Variants in MED27 observed in about 807,000 individuals in gnomAD.
The protein encoded by MED27 is mediator complex subunit 27.
Under a neutral mutation model 38.2 loss-of-function variants are expected in MED27, and 30 were observed. That is an observed-to-expected ratio of 0.79 (90% CI 0.59 to 1.07). MED27 has a LOEUF of 1.07. MED27 is among the 50% of genes least tolerant of loss of function. The probability of loss-of-function intolerance (pLI) is 0.00; values close to 1 mark genes in which losing one functional copy is unlikely to be tolerated. For missense variants in MED27, 289 were observed against 397.5 expected (o/e 0.73, Z 2.32); for synonymous variants, 122 against 153.5 (o/e 0.79, Z 1.52).
At chr9:131,909,719 G>C (rs1039764172) in intron 4 of MED27, among the ~76,000 whole-genome samples, 1 of 152,228 alleles carries the variant, frequency 6.6e-6, no homozygotes, top group Non-Finnish European at 1.5e-5. Context: ...TCTGTGAGCT[G>C]AAAGTGGAAC....
At chr9:132,001,132 G>A (rs1454881707) in intron 3 of MED27, among the ~76,000 whole-genome samples, 1 of 152,040 alleles carries the variant, frequency 6.6e-6, no homozygotes, top group Admixed American at 6.6e-5. Flanking sequence ...AGTATATGCT[G>A]TATAGTTCCT....
chr9:132,030,119 G>A (rs1467810178), intron 2 of MED27, among the ~76,000 whole-genome samples: 3 of 152,242 alleles, frequency 2.0e-5, no homozygotes, highest in Middle Eastern at 3.2e-3. Flanking sequence ...TCTGTTGGAG[G>A]TGGCACAAGC....
chr9:132,039,873 C>T (rs1442488993), intron 2 of MED27, among the ~76,000 whole-genome samples: 1 of 152,174 alleles, frequency 6.6e-6, no homozygotes, highest in African/African-American at 2.4e-5. Context: ...GACTGCAGGT[C>T]CCTCCCTTAT....
chr9:131,884,790 T>C (rs112060531), intron 5 of MED27, among the ~76,000 whole-genome samples: 1,712 of 152,066 alleles, frequency 0.011, 31 homozygotes, highest in African/African-American at 0.039. Context: ...GTATTTTTAG[T>C]AGAGATAGGG....
At chr9:131,923,907 T>C (rs1830438509) in intron 4 of MED27, among the ~76,000 whole-genome samples, 1 of 152,270 alleles carries the variant, frequency 6.6e-6, no homozygotes, top group African/African-American at 2.4e-5. Flanking sequence ...ATTAACAATA[T>C]ATCCTGGCAA....
intron 2 of MED27, among the ~76,000 whole-genome samples, chr9:132,018,341 A>C (rs1832647714): frequency 6.6e-6 from 1 of 152,234 alleles, no homozygotes; most frequent in South Asian, 2.1e-4. Context: ...AATTACAAAT[A>C]ACAACAAATA....
intron 4 of MED27, among the ~76,000 whole-genome samples, chr9:131,934,712 A>G (rs1327399658): frequency 1.3e-5 from 2 of 152,216 alleles, no homozygotes; most frequent in Non-Finnish European, 2.9e-5. Flanking sequence ...ACTGCTGCAT[A>G]TATACCCAAA....
At position 131,872,955 on chromosome 9, in the gene MED27, G is replaced by A. The variant is rs1838862867; in HGVS notation, c.724-9815C>T. ...CTCTGTGCCGCTCAGCCAGACTTTGGAGCACTCAAGTAGCAGGCAGCAAAG... is the reference window on the plus strand; with the variant it reads ...CTCTGTGCCGCTCAGCCAGACTTTGAAGCACTCAAGTAGCAGGCAGCAAAG... On this transcript the variant is annotated intron_variant, in intron 6 of 7. Transcript: ENST00000292035. This position sits in a 1 kb window ranked among gnomAD's most constrained non-coding sequence, Gnocchi z 5.6. 1.3e-5 allele frequency among the ~76,000 whole-genome samples: 2 copies of A among 152,256 alleles called. No individual in the cohort carries two copies. The highest frequency in any genetic ancestry group is 4.1e-4 in the South Asian group (2 of 4,834).
intron 3 of MED27, among the ~76,000 whole-genome samples, chr9:131,966,383 C>CCAAAAAAAAAAAA (rs1831347921): frequency 2.7e-5 from 1 of 36,776 alleles, no homozygotes; most frequent in Non-Finnish European, 4.2e-5. Flanking sequence ...GACCCTGTCA[C>CCAAAAAAAAAAAA]AAAAAAAAAA....
chr9:131,878,916 A>G (rs1201730187), intron 6 of MED27, among the ~76,000 whole-genome samples: 4 of 152,052 alleles, frequency 2.6e-5, no homozygotes, highest in Admixed American at 6.5e-5. Context: ...CCTAGGACCA[A>G]GTGCAAGGAG....
chr9:132,068,550 G>A (rs1456507944), intron 2 of MED27, among the ~76,000 whole-genome samples: 3 of 152,162 alleles, frequency 2.0e-5, no homozygotes, highest in African/African-American at 7.2e-5. Context: ...GGCAGTACCA[G>A]TCAAGATGGA....
intron 4 of MED27, among the ~76,000 whole-genome samples, chr9:131,904,385 C>T (rs1482886603): frequency 2.0e-5 from 3 of 151,548 alleles, no homozygotes; most frequent in Non-Finnish European, 4.4e-5. Flanking sequence ...CCTAATAAGA[C>T]GTGTTTTATT....
intron 3 of MED27, among the ~76,000 whole-genome samples, chr9:132,006,728 G>A (rs188944924): frequency 6.6e-6 from 1 of 152,158 alleles, no homozygotes; most frequent in East Asian, 1.9e-4. Flanking sequence ...AGGAAGCTAC[G>A]AGAAGAGACT....
At position 131,893,965 on chromosome 9, in the gene MED27, T is replaced by A. The variant is rs777149018; in HGVS notation, c.601A>T (p.Ile201Phe). The change falls in exon 5 of 8, where the codon ATC becomes TTC. Residue 201 changes from isoleucine to phenylalanine, a missense_variant. By Grantham distance (21) the Ile-to-Phe change is conservative. Coordinates refer to ENST00000292035, the MANE Select transcript of MED27 (RefSeq NM_004269.4). Reference protein sequence around the residue: ...LVTLGKVLKVIVVMRSLFIDR... With the variant: ...LVTLGKVLKVFVVMRSLFIDR... ...ATGAACAGGCTCCGCATGACGACGA[T>A]CACTTTCAACACCTTTCCCAAGGTC... The A allele has an allele frequency of 6.2e-7, 1 of 1,614,170 alleles. No homozygotes were observed. The highest frequency in any genetic ancestry group is 1.6e-4 in the Middle Eastern group (1 of 6,062).
At chr9:132,050,922 T>C (rs947558083) in intron 2 of MED27, among the ~76,000 whole-genome samples, 2 of 152,246 alleles carry the variant, frequency 1.3e-5, no homozygotes, top group South Asian at 2.1e-4. Flanking sequence ...TCTCGGCATA[T>C]GAATGGCACT....
chr9:131,974,063 A>G (rs1318489274), intron 3 of MED27, among the ~76,000 whole-genome samples: 1 of 152,158 alleles, frequency 6.6e-6, no homozygotes. Context: ...CTCTGAAATC[A>G]GATGTGTTTT....
At chr9:131,921,683 C>A (rs1830394632) in intron 4 of MED27, among the ~76,000 whole-genome samples, 1 of 152,054 alleles carries the variant, frequency 6.6e-6, no homozygotes, top group Non-Finnish European at 1.5e-5. Context: ...GGGCATATAC[C>A]CAAAGGATTA....
intron 3 of MED27, among the ~76,000 whole-genome samples, chr9:131,954,195 T>C (rs1188874403): frequency 6.6e-6 from 1 of 152,170 alleles, no homozygotes; most frequent in Admixed American, 6.5e-5. Flanking sequence ...CCAGGGTGTT[T>C]AGGTAAGCAG....
intron 3 of MED27, among the ~76,000 whole-genome samples, chr9:131,958,178 G>A (rs1289420001): frequency 6.6e-6 from 1 of 151,444 alleles, no homozygotes; most frequent in Non-Finnish European, 1.5e-5. Context: ...TTTAAAACAT[G>A]CTCGGAACAT....
Sources: allele counts gnomAD v4.1 joint callset (sites outside exome capture counted in the v4.1 genomes callset), GRCh38; gene constraint gnomAD v4.1.1; non-coding constraint Gnocchi (gnomAD v3.1); transcripts MANE v1.5; gene names NCBI Gene and HGNC (gene_info 2026-07-23, HGNC 2026-07-21).